The following TLE3 variants were observed in gnomAD, a reference collection of about 807,000 sequenced individuals.
TLE3 encodes the protein transducin-like enhancer protein 3.
In TLE3, 14 loss-of-function variants were observed where a neutral mutation model predicts 93.0. The ratio of observed to expected loss-of-function variants is 0.15; its 90% confidence interval spans 0.10 to 0.24. The LOEUF (loss-of-function observed/expected upper bound fraction) is 0.24, where lower values mean the gene tolerates loss of function less well. Ranked by LOEUF, TLE3 falls within the 10% of genes least tolerant of loss-of-function variation. The probability of loss-of-function intolerance (pLI) is 1.00; values close to 1 mark genes in which losing one functional copy is unlikely to be tolerated. For synonymous variants in TLE3, 451 were observed against 425.0 expected, an observed-to-expected ratio of 1.06 and a Z score of -0.75; for missense variants, 693 against 1,046.6, an observed-to-expected ratio of 0.66 and a Z score of 4.66.
intron 8 of TLE3, chr15:70,060,875 C>G: frequency 1.7e-6 from 1 of 606,024 alleles, no homozygotes; most frequent in South Asian, 1.6e-5. Flanking sequence ...ATCCCCAATT[C>G]TCTTTTGCAG....
chr15:70,054,847 T>A, intron 15 of TLE3, 162 bp from the exon 16 acceptor site: 2 of 1,239,360 alleles, frequency 1.6e-6, no homozygotes, highest in Non-Finnish European at 2.2e-6. Flanking sequence ...TCACAACCCT[T>A]TGATCTTTCA....
chr15:70,067,769 A>G (rs2141675717), intron 6 of TLE3, among the ~76,000 whole-genome samples: 1 of 152,336 alleles, frequency 6.6e-6, no homozygotes, highest in East Asian at 1.9e-4. Flanking sequence ...CTCATCCCAA[A>G]GTTAACGGCA....
chr15:70,089,111 C>T (rs150636814), intron 4 of TLE3, among the ~76,000 whole-genome samples: 1,619 of 152,316 alleles, frequency 0.011, 16 homozygotes, highest in Non-Finnish European at 0.015. Flanking sequence ...ACTGCCTTGC[C>T]GCGAGCTGTT....
Position 70,066,350 on chromosome 15 carries a change from C to T in TLE3, c.373-132G>A. ...TCACTGGGTGGGTGGCAGGGGGAAG[C>T]ACCCCCAAAACCTTTGCCCCCAGCT... On this transcript the variant is annotated intron_variant, in intron 6 of 19. Transcript: ENST00000451782. The T allele has an allele frequency of 3.9e-6, 3 of 769,770 alleles. No homozygotes were observed. The South Asian group carries it at 6.4e-5, about 17-fold the overall frequency. 47.7% of individuals were successfully genotyped at this position (769,770 alleles called of 1,614,324 possible). A position where few individuals can be genotyped will look rare whatever the true frequency, so the allele number is the denominator to read the frequency against.
intron 8 of TLE3, among the ~76,000 whole-genome samples, chr15:70,063,326 G>C (rs1032390615): frequency 6.6e-6 from 1 of 152,204 alleles, no homozygotes; most frequent in East Asian, 1.9e-4. Context: ...GATCAGTACC[G>C]AGGCAGTGAA....
At chr15:70,063,597 G>C (rs752989470) in intron 8 of TLE3, among the ~76,000 whole-genome samples, 1 of 152,210 alleles carries the variant, frequency 6.6e-6, no homozygotes, top group Non-Finnish European at 1.5e-5. Flanking sequence ...TACTTAACAC[G>C]AGGTAATAAC....
intron 2 of TLE3, chr15:70,095,960 G>A (rs2058536324): frequency 1.4e-6 from 1 of 703,620 alleles, no homozygotes; most frequent in Non-Finnish European, 2.3e-6. Context: ...GGGACCCCAC[G>A]GGCGGCGCTG....
At chr15:70,062,620 T>C (rs747080598) in intron 8 of TLE3, among the ~76,000 whole-genome samples, 7 of 152,160 alleles carry the variant, frequency 4.6e-5, no homozygotes, top group African/African-American at 1.4e-4. Flanking sequence ...CTACCACTAA[T>C]TGGACTCCAG....
Position 70,058,973 on chromosome 15 carries a change from A to T in TLE3, c.766-158T>A, listed in dbSNP as rs1342305139. On this transcript the variant is annotated intron_variant, in intron 10 of 19. Coordinates refer to ENST00000451782, the MANE Select transcript of TLE3 (RefSeq NM_001105192.3). The surrounding 1 kb of genome is among the most constrained non-coding windows in gnomAD (Gnocchi z 4.1). The stretch of plus-strand genomic sequence containing the variant: ...AGTGAGGAAAAACTAGCTCTTAACC[A>T]TCTGGTCTGACTGAGGCCTAGGGAG... Among the ~76,000 whole-genome samples, 1 of 152,166 alleles carries T rather than the reference A, an allele frequency of 6.6e-6. No homozygotes were observed. Among genetic ancestry groups the T allele is most frequent in the Admixed American group, 6.5e-5 (1 of 15,284 alleles).
At chr15:70,062,784 C>G (rs74021482) in intron 8 of TLE3, among the ~76,000 whole-genome samples, 23,666 of 152,070 alleles carry the variant, frequency 0.16, 1,910 homozygotes, top group South Asian at 0.17. Context: ...ACCGTCACCA[C>G]GCCACATGCC....
intron 4 of TLE3, among the ~76,000 whole-genome samples, chr15:70,077,900 C>T (rs148283967): frequency 6.6e-6 from 1 of 152,324 alleles, no homozygotes; most frequent in East Asian, 1.9e-4. Flanking sequence ...TCCAAACTGC[C>T]CAGCTCAGAC....
intron 4 of TLE3, among the ~76,000 whole-genome samples, chr15:70,089,949 T>G (rs1182022278): frequency 6.6e-6 from 1 of 152,084 alleles, no homozygotes; most frequent in East Asian, 1.9e-4. Context: ...AGTCCCGAAT[T>G]AGGAGCCAGG....
At chr15:70,064,589 G>T in intron 7 of TLE3, 119 bp from the exon 8 acceptor site, 2 of 1,380,436 alleles carry the variant, frequency 1.4e-6, no homozygotes, top group Non-Finnish European at 1.0e-6. Flanking sequence ...CTAGTGCACT[G>T]GTTTTAAAAT....
chr15:70,068,964 G>C (rs2056980842), intron 6 of TLE3, among the ~76,000 whole-genome samples: 1 of 152,230 alleles, frequency 6.6e-6, no homozygotes, highest in African/African-American at 2.4e-5. Flanking sequence ...GGACAAGTCA[G>C]CCGACCTCTC....
chr15:70,071,933 A>G (rs955937056), intron 6 of TLE3, among the ~76,000 whole-genome samples: 8 of 152,246 alleles, frequency 5.3e-5, no homozygotes, highest in Admixed American at 1.3e-4. Flanking sequence ...CGAGGAGGAG[A>G]TAAAGAACGC....
intron 7 of TLE3, among the ~76,000 whole-genome samples, 171 bp from the exon 8 acceptor site, chr15:70,064,641 G>A (rs1198911487): frequency 6.6e-6 from 1 of 152,222 alleles, no homozygotes; most frequent in Non-Finnish European, 1.5e-5. Context: ...ATCAGCCAAG[G>A]CAGGGCCATT....
In TLE3 at chr15:70,056,286, G is replaced by C. The variant is rs147846856; in HGVS notation, c.1328+12C>G. 2,021 of 1,613,232 alleles carry C rather than the reference G, an allele frequency of 1.3e-3. 34 individuals are homozygous for C. In the East Asian group the frequency reaches 0.04, roughly 32 times the overall value. On this transcript the variant is annotated intron_variant, in intron 14 of 19. Transcript: ENST00000451782. ...CCCTACAAAGCATGCAGTAAGTATA[G>C]CCAAAGCTTACGGTTTTCCTCCAGG...
intron 4 of TLE3, among the ~76,000 whole-genome samples, chr15:70,092,656 C>A (rs2058360219): frequency 6.6e-6 from 1 of 152,210 alleles, no homozygotes. Flanking sequence ...GGCCAGAAAT[C>A]CCAGATGTAC....
chr15:70,076,286 C>T (rs1448195913), intron 4 of TLE3, 128 bp from the exon 5 acceptor site: 2 of 769,042 alleles, frequency 2.6e-6, no homozygotes, highest in African/African-American at 3.5e-5. Context: ...TCCTTTCTGC[C>T]CTCAGTCAGC....
Sources: allele counts gnomAD v4.1 joint callset (sites outside exome capture counted in the v4.1 genomes callset), GRCh38; gene constraint gnomAD v4.1.1; non-coding constraint Gnocchi (gnomAD v3.1); transcripts MANE v1.5; gene names NCBI Gene and HGNC (gene_info 2026-07-23, HGNC 2026-07-21).